Variants in MICAL3 observed in about 807,000 individuals in gnomAD.
MICAL3 encodes microtubule associated monooxygenase, calponin and LIM domain containing 3, also known as [F-actin]-monooxygenase MICAL3.
MICAL3 carries 62 observed loss-of-function variants against 207.4 expected under a neutral mutation model. The observed-to-expected ratio is 0.30, with a 90% CI of 0.24 to 0.37. The LOEUF is 0.37. Ranked by LOEUF, MICAL3 falls within the 10% of genes least tolerant of loss-of-function variation. MICAL3 has a pLI of 1.00. For synonymous variants in MICAL3, 1,077 were observed against 1,069.3 expected, an observed-to-expected ratio of 1.01 and a Z score of -0.14; for missense variants, 2,368 against 2,635.6, an observed-to-expected ratio of 0.90 and a Z score of 2.22.
intron 1 of MICAL3, among the ~76,000 whole-genome samples, chr22:17,961,664 A>G (rs1410724794): frequency 6.6e-6 from 1 of 152,160 alleles, no homozygotes; most frequent in Non-Finnish European, 1.5e-5. Context: ...GGAAGCAATC[A>G]TATCTCCAAC....
rs1363560818 is a variant in MICAL3, at chr22:17,972,103, T to A, written c.-75+52178A>T. On this transcript the variant is annotated intron_variant, in intron 1 of 31. Transcript: ENST00000441493. ...CCTCAAGGCAAACACTAAGAACACATGCTCAGTTCAGCAAATCAGTTACAA... is the reference window on the plus strand; with the variant it reads ...CCTCAAGGCAAACACTAAGAACACAAGCTCAGTTCAGCAAATCAGTTACAA... Among the ~76,000 whole-genome samples, 4 of 152,348 alleles carry A rather than the reference T, an allele frequency of 2.6e-5. No individual in the cohort carries two copies. In the East Asian group the frequency reaches 7.7e-4, roughly 29 times the overall value.
intron 17 of MICAL3, among the ~76,000 whole-genome samples, chr22:17,868,261 C>A (rs1488757390): frequency 6.6e-6 from 1 of 151,874 alleles, no homozygotes; most frequent in Non-Finnish European, 1.5e-5. Context: ...GTCACGTGTA[C>A]GCATCTCCCC....
chr22:17,816,617 T>C, intron 27 of MICAL3, 73 bp downstream of exon 27: 1 of 1,254,180 alleles, frequency 8.0e-7, no homozygotes, highest in Non-Finnish European at 1.1e-6. Flanking sequence ...CTCCCTCTCC[T>C]CTACCCCACC....
At position 17,791,305 on chromosome 22, in the gene MICAL3, C is replaced by T. The variant is rs183582019; in HGVS notation, c.5651-4G>A. 4.3e-6 allele frequency: 7 copies of T among 1,612,078 alleles called. No individual in the cohort carries two copies. The African/African-American group carries it at 9.3e-5, about 21-fold the overall frequency. ...GGGTCGTCCTTCTTGCCCATGCCTGCCGAGAGAACGCTTGTGTCGGGTGCA... is the reference window on the plus strand; with the variant it reads ...GGGTCGTCCTTCTTGCCCATGCCTGTCGAGAGAACGCTTGTGTCGGGTGCA... On this transcript the variant is annotated splice_region_variant and splice_polypyrimidine_tract_variant and intron_variant, in intron 29 of 31. Coordinates refer to ENST00000441493, the MANE Select transcript of MICAL3 (RefSeq NM_015241.3).
At chr22:17,821,397 T>C (rs1408257914) in intron 25 of MICAL3, 30 bp downstream of exon 25, 11 of 1,528,448 alleles carry the variant, frequency 7.2e-6, no homozygotes, top group Non-Finnish European at 9.7e-6. Context: ...ATTAGTTCTC[T>C]GTACCCCACA....
intron 1 of MICAL3, among the ~76,000 whole-genome samples, chr22:17,964,505 C>T (rs1258225198): frequency 1.3e-5 from 2 of 152,192 alleles, no homozygotes; most frequent in Non-Finnish European, 2.9e-5. Context: ...ACTGACCAAC[C>T]CTAACAGGGC....
chr22:17,789,900 G>A lies in MICAL3; in HGVS notation c.*832C>T, dbSNP rs1265434597. 6.6e-6 allele frequency: 1 copy of A among 152,258 alleles called. No individual in the cohort carries two copies. Among genetic ancestry groups the A allele is most frequent in the Non-Finnish European group, 1.5e-5 (1 of 68,048 alleles). The allele number at this position is 152,258 out of a possible 1,614,324, so 9.4% of individuals were successfully genotyped here. On this transcript the variant is annotated 3_prime_UTR_variant, in exon 32 of 32. Coordinates refer to ENST00000441493, the MANE Select transcript of MICAL3 (RefSeq NM_015241.3). ...GCTTCATTTCAACGTGCAAACACAG[G>A]AAAAACACGGAGGAAAAGGTCATCT...
At position 17,904,776 on chromosome 22, in the gene MICAL3, C is replaced by A; in HGVS notation, c.328G>T (p.Ala110Ser). 1 of 1,613,862 alleles carries A rather than the reference C, an allele frequency of 6.2e-7. No homozygotes were observed. Among genetic ancestry groups the A allele is most frequent in the Non-Finnish European group, 8.5e-7 (1 of 1,179,782 alleles). Residue 110 changes from alanine (A) to serine (S), a missense_variant, in exon 3 of 32, where the codon GCC becomes TCC. Physicochemically the swap from Ala to Ser is moderately conservative, Grantham distance 99. Around this residue, in one of 4 missense-constraint regions of MICAL3, gnomAD observed 400 missense variants for 547.0 expected, o/e 0.73. Coordinates refer to ENST00000441493, the MANE Select transcript of MICAL3 (RefSeq NM_015241.3). ...CGTTTCTCAATAACAACCACCTTGG[C>A]CCCCAGTAAGGATAAGTCGATGGCT... The part of the protein sequence containing the change: ...RTAIDLSLLG[A>S]KVVVIEKRDA...
Position 17,877,339 on chromosome 22 carries a change from TTA to T in MICAL3, c.2242-5318_2242-5317del. 2.9e-5 allele frequency among the ~76,000 whole-genome samples: 3 copies of T among 104,300 alleles called. 1 individual carries two copies. In the East Asian group the frequency reaches 7.7e-4, roughly 27 times the overall value. The allele number at this position is 104,300 out of a possible 152,430, so 68.4% of individuals were successfully genotyped here. A position where few individuals can be genotyped will look rare whatever the true frequency, so the allele number is the denominator to read the frequency against. ...AGGGAGGTTAGGGAGGTTATGGAGGTTAGGGAGGTTAGGGAGGTTATGGAGGT... is the reference window on the plus strand; with the variant it reads ...AGGGAGGTTAGGGAGGTTATGGAGGTGGGAGGTTAGGGAGGTTATGGAGGT... On this transcript the variant is annotated intron_variant, in intron 16 of 31. Transcript: ENST00000441493.
At position 17,997,922 on chromosome 22, in the gene MICAL3, C is replaced by T. The variant is rs141946216; in HGVS notation, c.-75+26359G>A. Among the ~76,000 whole-genome samples the T allele has an allele frequency of 3.1e-3, 426 of 136,452 alleles. 3 individuals carry two copies. The highest frequency in any genetic ancestry group is 0.012 in the African/African-American group (390 of 31,910). 89.5% of individuals were successfully genotyped at this position (136,452 alleles called of 152,430 possible). A position where few individuals can be genotyped will look rare whatever the true frequency, so the allele number is the denominator to read the frequency against. Reference sequence around the variant, plus strand: ...ATGATCTGGTATCTTTAAGTCCTTCCGCTTCCAAAAAAAAAAAAGAAAAGA... The same window carrying T: ...ATGATCTGGTATCTTTAAGTCCTTCTGCTTCCAAAAAAAAAAAAGAAAAGA... On this transcript the variant is annotated intron_variant, in intron 1 of 31. Coordinates refer to ENST00000441493, the MANE Select transcript of MICAL3 (RefSeq NM_015241.3).
At chr22:17,862,972 G>C in intron 19 of MICAL3, 1 of 985,294 alleles carries the variant, frequency 1.0e-6, no homozygotes, top group Non-Finnish European at 1.2e-6. Context: ...AGAACCACGC[G>C]GACAGAGACG....
In MICAL3 at chr22:17,808,928, G is replaced by A. The variant is rs375203075; in HGVS notation, c.5566C>T (p.Arg1856Trp). The change falls in exon 29 of 32, where the codon CGG becomes TGG. Residue 1856 changes from arginine (R) to tryptophan (W), a missense_variant. This residue lies in a region of MICAL3 where 1,770 missense variants were observed against 1,863.2 expected (regional missense o/e 0.95). Transcript: ENST00000441493. The part of the protein sequence containing the change: ...KRLHRAQIIQ[R>W]QLQQVEERQR... Reference sequence around the variant, plus strand: ...CTCTCCTCCACCTGCTGCAGCTGCCGCTGGATGATCTATGACAGACAGCAC... The same window carrying A: ...CTCTCCTCCACCTGCTGCAGCTGCCACTGGATGATCTATGACAGACAGCAC... 8.5e-5 allele frequency: 132 copies of A among 1,552,228 alleles called. 1 individual carries two copies. The South Asian group carries it at 9.0e-4, about 11-fold the overall frequency.
intron 29 of MICAL3, among the ~76,000 whole-genome samples, chr22:17,800,846 A>G (rs191897309): frequency 3.2e-4 from 48 of 152,334 alleles, no homozygotes; most frequent in African/African-American, 1.2e-3. Context: ...GAATATTACT[A>G]AGTGCTCTAA....
At chr22:17,859,998 C>G (rs1042255025) in intron 19 of MICAL3, among the ~76,000 whole-genome samples, 5 of 152,136 alleles carry the variant, frequency 3.3e-5, no homozygotes, top group African/African-American at 9.7e-5. Flanking sequence ...GTATAAAAAC[C>G]TATTTCCCCC....
intron 19 of MICAL3, among the ~76,000 whole-genome samples, chr22:17,853,534 T>C (rs1925560779): frequency 6.6e-6 from 1 of 152,242 alleles, no homozygotes; most frequent in Non-Finnish European, 1.5e-5. Flanking sequence ...TTGATATTCT[T>C]GTAATGCTTT....
chr22:18,001,138 G>A (rs1208383096), intron 1 of MICAL3: 1 of 152,170 alleles, frequency 6.6e-6, no homozygotes, highest in Non-Finnish European at 1.5e-5. Context: ...ACGCGAGGCG[G>A]GGGCTTCCTC....
intron 1 of MICAL3, among the ~76,000 whole-genome samples, chr22:17,974,718 C>T (rs1022960126): frequency 7.4e-5 from 10 of 135,360 alleles, no homozygotes; most frequent in African/African-American, 2.7e-4. Context: ...AGCAAGACTC[C>T]GTCTTAAAAA....
At chr22:17,990,640 C>G (rs1921574830) in intron 1 of MICAL3, among the ~76,000 whole-genome samples, 1 of 152,154 alleles carries the variant, frequency 6.6e-6, no homozygotes, top group Admixed American at 6.5e-5. Context: ...AAACTCTTAA[C>G]CACAACACAG....
At chr22:17,931,984 G>A (rs546186792) in intron 1 of MICAL3, among the ~76,000 whole-genome samples, 7 of 152,298 alleles carry the variant, frequency 4.6e-5, no homozygotes, top group African/African-American at 1.2e-4. Flanking sequence ...GGAGCTTACC[G>A]TCTAGTGGAA....
Sources: allele counts gnomAD v4.1 joint callset (sites outside exome capture counted in the v4.1 genomes callset), GRCh38; gene constraint gnomAD v4.1.1; regional missense constraint gnomAD v4.1.1; transcripts MANE v1.5; gene names NCBI Gene and HGNC (gene_info 2026-07-23, HGNC 2026-07-21).